The following TEX101 variants were observed in gnomAD, a reference collection of about 807,000 sequenced individuals.
TEX101 encodes testis-expressed protein 101.
TEX101 carries 10 observed loss-of-function variants against 18.1 expected under a neutral mutation model. The ratio of observed to expected loss-of-function variants is 0.55; its 90% confidence interval spans 0.34 to 0.94. TEX101 has a LOEUF of 0.94. TEX101 is among the 40% of genes least tolerant of loss of function. The pLI, the probability that TEX101 is intolerant of heterozygous loss-of-function variation, is 0.02. For synonymous variants in TEX101, 94 were observed against 114.8 expected, an observed-to-expected ratio of 0.82 and a Z score of 1.16; for missense variants, 259 against 298.9, an observed-to-expected ratio of 0.87 and a Z score of 0.98.
At chr19:43,408,175 C>T (rs902752885) in intron 3 of TEX101, among the ~76,000 whole-genome samples, 1 of 152,256 alleles carries the variant, frequency 6.6e-6, no homozygotes, top group Non-Finnish European at 1.5e-5. Context: ...GCGCCCGCCC[C>T]GCCCTCTGGG....
At chr19:43,408,212 G>A (rs951823331) in intron 3 of TEX101, among the ~76,000 whole-genome samples, 1 of 152,210 alleles carries the variant, frequency 6.6e-6, no homozygotes, top group African/African-American at 2.4e-5. Context: ...AGGAACATGC[G>A]CTTCCGGGGG....
chr19:43,403,727 A>G (rs1351724738), intron 2 of TEX101, among the ~76,000 whole-genome samples: 1 of 152,106 alleles, frequency 6.6e-6, no homozygotes, highest in East Asian at 1.9e-4. Context: ...GTATTAAGCT[A>G]CTGGACTCTA....
exon 3 of TEX101, chr19:43,406,299 G>A: frequency 1.8e-6 from 1 of 541,456 alleles, no homozygotes; most frequent in Non-Finnish European, 3.3e-6. Flanking sequence ...TCTTAAAAGA[G>A]CCAATGCCCC....
Position 43,417,922 on chromosome 19 carries a change from TTGG to T in TEX101, c.437_439del (p.Leu146_Gly147delinsTrp). 1 of 1,614,204 alleles carries T rather than the reference TTGG, an allele frequency of 6.2e-7. No individual in the cohort carries two copies. The highest frequency in any genetic ancestry group is 8.5e-7 in the Non-Finnish European group (1 of 1,180,030). ...CCTCCATTGTCCAACCTGTGTGGCT[TTGG>T]GGACCTGTTTCAGTGCTCCTTCTCT... On this transcript the variant is annotated inframe_deletion, in exon 5 of 6. Coordinates refer to ENST00000598265, the MANE Select transcript of TEX101 (RefSeq NM_001130011.3).
chr19:43,416,378 G>GCC lies in TEX101; in HGVS notation c.214_215insCC (p.Glu72AlafsTer19). 6.2e-7 allele frequency: 1 copy of GCC among 1,613,338 alleles called. No homozygotes were observed. The highest frequency in any genetic ancestry group is 8.5e-7 in the Non-Finnish European group (1 of 1,179,514). On this transcript the variant is annotated frameshift_variant, in exon 4 of 6. Coordinates refer to ENST00000598265, the MANE Select transcript of TEX101 (RefSeq NM_001130011.3). LOFTEE classifies it high-confidence loss of function. ...TCCTTCCTGTCTCATAACAGGGACT[G>GCC]AGACAGCCATTTTGGCCACGAAGGG...
rs937259994 is a variant in TEX101 at position 43,416,320 on chromosome 19, A to G, written c.209-53A>G. 15 of 1,587,676 alleles carry G rather than the reference A, an allele frequency of 9.4e-6. No individual in the cohort carries two copies. In the African/African-American group the frequency reaches 1.9e-4, roughly 20 times the overall value. ...ATGCCAATGCTTGTTCCCTTCGTCC[A>G]GGCCAATTGTGACGGCCACCATCCA... On this transcript the variant is annotated intron_variant, in intron 3 of 5. Transcript: ENST00000598265.
intron 2 of TEX101, among the ~76,000 whole-genome samples, chr19:43,405,618 TAAAAACAC>T (rs1272216057): frequency 1.3e-5 from 2 of 148,742 alleles, no homozygotes; most frequent in Admixed American, 6.7e-5. Context: ...ATTATTTATT[TAAAAACAC>T]ATCTAAAATG....
upstream of TEX101, among the ~76,000 whole-genome samples, chr19:43,398,641 C>G (rs897590948): frequency 6.6e-6 from 1 of 152,128 alleles, no homozygotes; most frequent in Admixed American, 6.6e-5. Flanking sequence ...CTACAACAGT[C>G]CCCCTCCACT....
At chr19:43,393,480 G>A in the TEX101 span, among the ~76,000 whole-genome samples, 3 of 152,106 alleles carry the variant, frequency 2.0e-5, no homozygotes, top group Non-Finnish European at 4.4e-5. Context: ...GTGGTGGAGA[G>A]GGCTGGGCTG....
In TEX101 at chr19:43,416,502, T is replaced by C; in HGVS notation, c.338T>C (p.Phe113Ser). ...TSYSNYCEDS[F>S]CNDKDSLSQF... ...TACAGTAACTACTGTGAGGATTCCT[T>C]CTGTAATGACAAAGACAGCCTGTCT... is the stretch of plus-strand genomic sequence containing the variant. The change falls in exon 4 of 6, where the codon TTC becomes TCC. Residue 113 changes from phenylalanine (F) to serine (S), a missense_variant. Phe to Ser is a radical substitution (Grantham distance 155, BLOSUM62 -2). Coordinates refer to ENST00000598265, the MANE Select transcript of TEX101 (RefSeq NM_001130011.3). 6.2e-7 allele frequency: 1 copy of C among 1,614,128 alleles called. No individual in the cohort carries two copies. The highest frequency in any genetic ancestry group is 8.5e-7 in the Non-Finnish European group (1 of 1,180,002).
rs570247156 is a variant in TEX101 at position 43,404,490 on chromosome 19, TTTG to T, written c.-283+1634_-283+1636del. ...TTAATATATAATATACTACAATTTG[TTTG>T]TTATCTTCCAACCTTTTATTTTGAA... is the stretch of plus-strand genomic sequence containing the variant. On this transcript the variant is annotated intron_variant, in intron 2 of 7. Transcript: ENST00000602198. Among the ~76,000 whole-genome samples, 10 of 152,308 alleles carry T rather than the reference TTTG, an allele frequency of 6.6e-5. No homozygotes were observed. In the East Asian group the frequency reaches 1.5e-3, roughly 23 times the overall value.
upstream of TEX101, among the ~76,000 whole-genome samples, chr19:43,414,574 C>T (rs763356476): frequency 6.6e-6 from 1 of 152,144 alleles, no homozygotes; most frequent in African/African-American, 2.4e-5. Context: ...AGGGTCTGAC[C>T]TCCTAGTGTG....
upstream of TEX101, among the ~76,000 whole-genome samples, chr19:43,409,960 C>T (rs1970404317): frequency 6.6e-6 from 1 of 151,948 alleles, no homozygotes; most frequent in Non-Finnish European, 1.5e-5. Context: ...TTGTTTGAGC[C>T]CAGGAGTTTG....
chr19:43,404,763 TATAA>T (rs1228996095), intron 2 of TEX101, among the ~76,000 whole-genome samples: 4 of 151,396 alleles, frequency 2.6e-5, no homozygotes, highest in African/African-American at 9.7e-5. Context: ...TAGGTGAATA[TATAA>T]ATATATATAT....
intron 1 of TEX101, chr19:43,401,697 T>C (rs750922406): frequency 3.9e-5 from 6 of 152,010 alleles, no homozygotes; most frequent in Admixed American, 6.5e-5. Context: ...CTACTAAAAA[T>C]ACAAAATCAG....
At position 43,405,939 on chromosome 19, in the gene TEX101, G is replaced by T. The variant is rs557830622; in HGVS notation, c.-282-284G>T. Among the ~76,000 whole-genome samples the T allele has an allele frequency of 1.2e-4, 18 of 151,878 alleles. No individual in the cohort carries two copies. In the South Asian group the frequency reaches 3.1e-3, roughly 26 times the overall value. On this transcript the variant is annotated intron_variant, in intron 2 of 7. Transcript: ENST00000602198. ...CAAAAAAATACGATAAAATAAAATG[G>T]AAGGATACACAATTGTTGACTATAA...
In TEX101 at chr19:43,416,079, T is replaced by C; in HGVS notation, c.65-20T>C. ...TTGGCCCATGGAGAAGTGCTTATCC[T>C]TTTCTTGTTTTCTCCTCAGCGGGCC... On this transcript the variant is annotated intron_variant, in intron 2 of 5. Transcript: ENST00000598265. 1 of 1,605,788 alleles carries C rather than the reference T, an allele frequency of 6.2e-7. No individual in the cohort carries two copies. The highest frequency in any genetic ancestry group is 1.3e-5 in the African/African-American group (1 of 74,574).
chr19:43,402,992 CA>C (rs2122319265), intron 2 of TEX101: 1 of 152,186 alleles, frequency 6.6e-6, no homozygotes, highest in African/African-American at 2.4e-5. Flanking sequence ...TATGCTGAAC[CA>C]GAAAGAAAAA....
At chr19:43,413,945 G>A (rs190121904), upstream of TEX101, among the ~76,000 whole-genome samples, 2 of 151,330 alleles carry the variant, frequency 1.3e-5, no homozygotes, top group Admixed American at 1.3e-4. Context: ...ATAGAGAGAG[G>A]CTCTGTCTCC....
Sources: gnomAD v4.1 joint callset for allele counts (sites outside exome capture counted in the v4.1 genomes callset) on GRCh38, gnomAD v4.1.1 for gene constraint, MANE v1.5 for transcripts, NCBI Gene and HGNC (gene_info 2026-07-23, HGNC 2026-07-21) for gene names.